TMEM135: variants seen among roughly 807,000 people sequenced by gnomAD.
TMEM135 encodes the protein transmembrane protein 135, also known as peroxisomal membrane protein 52.
In TMEM135, 30 loss-of-function variants were observed where a neutral mutation model predicts 60.3. The ratio of observed to expected loss-of-function variants is 0.50; its 90% CI spans 0.37 to 0.68. The LOEUF (loss-of-function observed/expected upper bound fraction) is 0.68, where lower values mean the gene tolerates loss of function less well. Among genes scored for constraint, TMEM135 ranks in the 30% least tolerant of loss-of-function variants. The pLI is 0.00. For synonymous variants in TMEM135, 190 were observed against 186.7 expected, an observed-to-expected ratio of 1.02 and a Z score of -0.14; for missense variants, 468 against 548.8, an observed-to-expected ratio of 0.85 and a Z score of 1.47.
Position 87,325,588 on chromosome 11 carries a change from G to A in TMEM135, c.*4255G>A. On this transcript the variant is annotated 3_prime_UTR_variant, in exon 15 of 15. Transcript: ENST00000305494. The stretch of plus-strand genomic sequence containing the variant: ...TCTCTGCTTGCTGGTGTTACTTTAT[G>A]TTAACTAGTCTCCTTGGACTTCATT... 4.4e-6 allele frequency: 2 copies of A among 453,800 alleles called. No homozygotes were observed. The highest frequency in any genetic ancestry group is 7.0e-5 in the East Asian group (1 of 14,374). 28.1% of individuals were successfully genotyped at this position (453,800 alleles called of 1,614,324 possible).
intron 5 of TMEM135, among the ~76,000 whole-genome samples, chr11:87,186,545 G>A (rs1186139363): frequency 6.6e-6 from 1 of 152,074 alleles, no homozygotes; most frequent in African/African-American, 2.4e-5. Flanking sequence ...AGTAGTGTGG[G>A]ATTTAGTTTT....
At chr11:87,180,406 A>G (rs903714301) in intron 5 of TMEM135, among the ~76,000 whole-genome samples, 3 of 152,058 alleles carry the variant, frequency 2.0e-5, no homozygotes, top group African/African-American at 7.2e-5. Flanking sequence ...CAGAAAGTAT[A>G]TGAGTGTGTG....
chr11:87,268,483 C>G (rs1941798264), intron 6 of TMEM135, among the ~76,000 whole-genome samples: 1 of 151,974 alleles, frequency 6.6e-6, no homozygotes, highest in African/African-American at 2.4e-5. Flanking sequence ...TACCCTTTGT[C>G]TATCAATGAT....
chr11:87,268,058 C>T (rs960698584), intron 6 of TMEM135, among the ~76,000 whole-genome samples: 3 of 151,872 alleles, frequency 2.0e-5, no homozygotes, highest in Non-Finnish European at 4.4e-5. Flanking sequence ...AAACAAAGTC[C>T]TGTTCACATG....
At chr11:87,042,766 C>G (rs1949760928) in intron 1 of TMEM135, among the ~76,000 whole-genome samples, 2 of 151,322 alleles carry the variant, frequency 1.3e-5, no homozygotes, top group African/African-American at 4.9e-5. Context: ...CTTTCTTGTT[C>G]TATACATTTG....
In TMEM135 at chr11:87,328,608, T is replaced by G. The variant is rs1942948661; in HGVS notation, c.*7275T>G. 2.2e-6 allele frequency: 1 copy of G among 453,992 alleles called. No homozygotes were observed. Among genetic ancestry groups the G allele is most frequent in the Admixed American group, 2.4e-5 (1 of 42,548 alleles). 28.1% of individuals were successfully genotyped at this position (453,992 alleles called of 1,614,324 possible). On this transcript the variant is annotated 3_prime_UTR_variant, in exon 15 of 15. Coordinates refer to ENST00000305494, the MANE Select transcript of TMEM135 (RefSeq NM_022918.4). ...GAACATACAGAATTTGATTTTCTAT[T>G]CCGGAGTTACTTTACTTAGAATAAT... is the stretch of plus-strand genomic sequence containing the variant.
chr11:87,270,326 G>C (rs1037475545), intron 6 of TMEM135, among the ~76,000 whole-genome samples: 1 of 151,736 alleles, frequency 6.6e-6, no homozygotes, highest in Non-Finnish European at 1.5e-5. Flanking sequence ...GTTTCTTTTG[G>C]TGTGCAGAAG....
chr11:87,235,616 T>C lies in TMEM135; in HGVS notation c.463-1022T>C, dbSNP rs551505556. On this transcript the variant is annotated intron_variant, in intron 5 of 14. Coordinates refer to ENST00000305494, the MANE Select transcript of TMEM135 (RefSeq NM_022918.4). ...TGTTCTTGTGGTCACCCTTTCACAA[T>C]AGAAAGAAGGTTCATTTCTTATTTG... 7.0e-4 allele frequency among the ~76,000 whole-genome samples: 107 copies of C among 152,088 alleles called. 1 individual carries two copies. Among genetic ancestry groups the C allele is most frequent in the African/African-American group, 2.4e-3 (101 of 41,552 alleles).
intron 5 of TMEM135, among the ~76,000 whole-genome samples, chr11:87,220,315 C>T (rs1216014176): frequency 2.6e-5 from 4 of 152,122 alleles, no homozygotes; most frequent in Non-Finnish European, 2.9e-5. Context: ...TATAAACATA[C>T]CTCATTTTTG....
rs1440944602 is a variant in TMEM135 at position 87,327,531 on chromosome 11, G to A, written c.*6198G>A. The A allele has an allele frequency of 2.2e-6, 1 of 453,444 alleles. No homozygotes were observed. The highest frequency in any genetic ancestry group is 2.4e-5 in the Admixed American group (1 of 42,458). 28.1% of individuals were successfully genotyped at this position (453,444 alleles called of 1,614,324 possible). On this transcript the variant is annotated 3_prime_UTR_variant, in exon 15 of 15. Transcript: ENST00000305494. ...AACAATAGGGATAGAGAGATACATAGAGAGAGATATGAGAGGGATAGAGAG... is the reference window on the plus strand; with the variant it reads ...AACAATAGGGATAGAGAGATACATAAAGAGAGATATGAGAGGGATAGAGAG...
intron 4 of TMEM135, among the ~76,000 whole-genome samples, chr11:87,093,277 G>A (rs1212180991): frequency 6.6e-6 from 1 of 152,062 alleles, no homozygotes; most frequent in East Asian, 1.9e-4. Context: ...ACAGTGGTGT[G>A]ATCACGGCTC....
intron 5 of TMEM135, among the ~76,000 whole-genome samples, chr11:87,214,564 C>CT (rs201376652): frequency 0.13 from 18,935 of 146,170 alleles, 1,211 homozygotes; most frequent in South Asian, 0.14. Context: ...CTCTGTAACA[C>CT]TTTTTTTTTT....
At chr11:87,053,508 A>G (rs11234929) in intron 1 of TMEM135, among the ~76,000 whole-genome samples, 3,199 of 152,268 alleles carry the variant, frequency 0.021, 46 homozygotes, top group Non-Finnish European at 0.031. Flanking sequence ...GGTGGTAATT[A>G]GGGAAGGGGA....
In TMEM135 at chr11:87,327,837, G is replaced by C. The variant is rs1463380236; in HGVS notation, c.*6504G>C. On this transcript the variant is annotated 3_prime_UTR_variant, in exon 15 of 15. Transcript: ENST00000305494. Reference sequence around the variant, plus strand: ...AGGATCTGGGGTCCTAATGTCCATGGGCAGTTGGAGAAGAGTGTATCCCTG... The same window carrying C: ...AGGATCTGGGGTCCTAATGTCCATGCGCAGTTGGAGAAGAGTGTATCCCTG... 2.2e-6 allele frequency: 1 copy of C among 453,926 alleles called. No homozygotes were observed. Among genetic ancestry groups the C allele is most frequent in the Non-Finnish European group, 4.4e-6 (1 of 226,792 alleles). The allele number at this position is 453,926 out of a possible 1,614,324, so 28.1% of individuals were successfully genotyped here. A position where few individuals can be genotyped will look rare whatever the true frequency, so the allele number is the denominator to read the frequency against.
chr11:87,152,932 C>T (rs981290923), intron 4 of TMEM135, among the ~76,000 whole-genome samples: 5 of 152,116 alleles, frequency 3.3e-5, no homozygotes, highest in African/African-American at 9.7e-5. Context: ...CTCTGAGGTC[C>T]GGTTCCATAA....
intron 6 of TMEM135, among the ~76,000 whole-genome samples, chr11:87,249,005 G>A (rs1018045243): frequency 6.6e-6 from 1 of 152,106 alleles, no homozygotes; most frequent in African/African-American, 2.4e-5. Context: ...GTTTTTGGTA[G>A]AGTCTTTAGG....
intron 5 of TMEM135, among the ~76,000 whole-genome samples, chr11:87,229,166 T>A (rs1018268525): frequency 1.3e-5 from 2 of 152,176 alleles, no homozygotes; most frequent in Non-Finnish European, 2.9e-5. Flanking sequence ...TTCTTTTATG[T>A]GTTTGCTTTT....
chr11:87,233,435 G>A (rs1049121937), intron 5 of TMEM135, among the ~76,000 whole-genome samples: 3 of 152,096 alleles, frequency 2.0e-5, no homozygotes, highest in South Asian at 2.1e-4. Context: ...CTAACATCAA[G>A]CCAAAGAAAG....
At position 87,321,661 on chromosome 11, in the gene TMEM135, C is replaced by G. The variant is rs1440403010; in HGVS notation, c.*328C>G. The G allele has an allele frequency of 1.2e-5, 6 of 494,774 alleles. No individual in the cohort carries two copies. Among genetic ancestry groups the G allele is most frequent in the Non-Finnish European group, 2.0e-5 (5 of 255,164 alleles). The allele number at this position is 494,774 out of a possible 1,614,324, so 30.6% of individuals were successfully genotyped here. ...ACAAACAAGAGTACACTTAAAATTA[C>G]TTTAAAAGATGTCTTTAGTTCATTC... On this transcript the variant is annotated 3_prime_UTR_variant, in exon 15 of 15. Transcript: ENST00000305494.
Sources: gnomAD v4.1 joint callset for allele counts (sites outside exome capture counted in the v4.1 genomes callset) on GRCh38, gnomAD v4.1.1 for gene constraint, MANE v1.5 for transcripts, NCBI Gene and HGNC (gene_info 2026-07-23, HGNC 2026-07-21) for gene names.